Variants in FUBP3 observed in about 807,000 individuals in gnomAD.
FUBP3 encodes far upstream element-binding protein 3.
In FUBP3, 28 loss-of-function variants were observed where a neutral mutation model predicts 85.6. The observed-to-expected ratio is 0.33, with a 90% CI of 0.24 to 0.45. The LOEUF (loss-of-function observed/expected upper bound fraction) is 0.45. FUBP3 is among the 20% of genes least tolerant of loss of function. FUBP3 has a pLI of 1.00. For missense variants in FUBP3, 583 were observed against 755.1 expected (o/e 0.77, Z 2.67); for synonymous variants, 271 against 271.4 (o/e 1.00, Z 0.01).
rs572820516 is a variant in FUBP3, at chr9:130,593,459, A to G, written c.85-2024A>G. ...TGTGTTCAAGTATTCCTCCGCCTTCAGGAATCTTATTATCTTTTCAAAAAC... is the reference window on the plus strand; with the variant it reads ...TGTGTTCAAGTATTCCTCCGCCTTCGGGAATCTTATTATCTTTTCAAAAAC... On this transcript the variant is annotated intron_variant, in intron 1 of 18. Coordinates refer to ENST00000319725, the MANE Select transcript of FUBP3 (RefSeq NM_003934.2). 3.9e-5 allele frequency among the ~76,000 whole-genome samples: 6 copies of G among 152,344 alleles called. No homozygotes were observed. The East Asian group carries it at 1.2e-3, about 29-fold the overall frequency.
At chr9:130,583,802 G>T (rs908624218) in intron 1 of FUBP3, among the ~76,000 whole-genome samples, 1 of 152,146 alleles carries the variant, frequency 6.6e-6, no homozygotes. Flanking sequence ...ACTGGGTATT[G>T]GAAAGTAGAT....
intron 2 of FUBP3, among the ~76,000 whole-genome samples, chr9:130,607,026 A>C (rs1831494440): frequency 6.6e-6 from 1 of 152,134 alleles, no homozygotes; most frequent in Non-Finnish European, 1.5e-5. Flanking sequence ...GCTGGAGTGC[A>C]ATGACACGAT....
At chr9:130,627,605 G>C (rs1048717076) in intron 12 of FUBP3, among the ~76,000 whole-genome samples, 9 of 152,252 alleles carry the variant, frequency 5.9e-5, no homozygotes, top group African/African-American at 2.2e-4. Context: ...GAACCACTCA[G>C]AGTTGGTATG....
At chr9:130,626,298 G>A in intron 11 of FUBP3, 66 bp from the exon 12 acceptor site, 1 of 1,519,092 alleles carries the variant, frequency 6.6e-7, no homozygotes, top group African/African-American at 1.4e-5. Flanking sequence ...CCTCCTCCCT[G>A]GAAAAGAGAG....
chr9:130,611,666 T>G (rs909449396), intron 3 of FUBP3, among the ~76,000 whole-genome samples: 1 of 151,472 alleles, frequency 6.6e-6, no homozygotes, highest in African/African-American at 2.4e-5. Context: ...TTTTTTAAAC[T>G]ACTTGCATTT....
At chr9:130,631,331 T>G in intron 13 of FUBP3, 1 of 1,401,250 alleles carries the variant, frequency 7.1e-7, no homozygotes, top group East Asian at 2.6e-5. Context: ...AGGGCAGTTG[T>G]GGTGGTGCCA....
At chr9:130,630,508 A>G (rs978337555) in intron 12 of FUBP3, 120 bp from the exon 13 acceptor site, 4 of 685,150 alleles carry the variant, frequency 5.8e-6, no homozygotes, top group Non-Finnish European at 9.3e-6. Context: ...CTCTACTGTC[A>G]GGGCAAGTGC....
chr9:130,634,874 C>T lies in FUBP3; in HGVS notation c.1582+136C>T, dbSNP rs1830357743. The T allele has an allele frequency of 5.8e-6, 4 of 695,324 alleles. No homozygotes were observed. In the Admixed American group the frequency reaches 9.2e-5, roughly 16 times the overall value. The allele number at this position is 695,324 out of a possible 1,614,324, so 43.1% of individuals were successfully genotyped here. A position where few individuals can be genotyped will look rare whatever the true frequency, so the allele number is the denominator to read the frequency against. On this transcript the variant is annotated intron_variant, in intron 17 of 18. Transcript: ENST00000319725. ...GCTTGATCTCATTATTTGCCTTCGT[C>T]CTCCACCCTGTACCTGCCTGCTTCT...
chr9:130,630,704 C>T lies in FUBP3; in HGVS notation c.1194C>T (p.Ser398=), dbSNP rs763350492. The T allele has an allele frequency of 4.8e-5, 77 of 1,592,824 alleles. No individual in the cohort carries two copies. Among genetic ancestry groups the T allele is most frequent in the Non-Finnish European group, 5.5e-5 (64 of 1,170,762 alleles). The part of the protein sequence containing the change: ...VELQRNPPPN[S]DPNLRRFTIR... ...TTCAGAGGAACCCCCCTCCCAACAG[C>T]GACCCCAACCTGCGGAGATTCACCA... Residue 398 remains serine, a synonymous_variant, in exon 13 of 19, where the codon AGC becomes AGT. Transcript: ENST00000319725.
intron 13 of FUBP3, 195 bp from the exon 14 acceptor site, chr9:130,631,362 T>C: frequency 1.4e-6 from 2 of 1,412,424 alleles, no homozygotes; most frequent in Non-Finnish European, 1.8e-6. Context: ...TGTGGTGGTA[T>C]TGGTCGCTGG....
intron 12 of FUBP3, among the ~76,000 whole-genome samples, chr9:130,628,374 G>A (rs1426677031): frequency 6.6e-6 from 1 of 152,346 alleles, no homozygotes; most frequent in Non-Finnish European, 1.5e-5. Flanking sequence ...ACGATTTCAC[G>A]TCCAGCCAGG....
At position 130,637,136 on chromosome 9, in the gene FUBP3, G is replaced by A. The variant is rs1239396086; in HGVS notation, c.*114G>A. 1 of 845,854 alleles carries A rather than the reference G, an allele frequency of 1.2e-6. No individual in the cohort carries two copies. Among genetic ancestry groups the A allele is most frequent in the African/African-American group, 1.7e-5 (1 of 59,878 alleles). 52.4% of individuals were successfully genotyped at this position (845,854 alleles called of 1,614,324 possible). A position where few individuals can be genotyped will look rare whatever the true frequency, so the allele number is the denominator to read the frequency against. On this transcript the variant is annotated 3_prime_UTR_variant, in exon 19 of 19. Transcript: ENST00000319725. ...TGATGAAGAACTGTTGTTTTGTTCT[G>A]TGAAACACTATATTTAGATTAACGG... is the stretch of plus-strand genomic sequence containing the variant.
intron 5 of FUBP3, among the ~76,000 whole-genome samples, chr9:130,613,745 T>C (rs1831866203): frequency 6.6e-6 from 1 of 152,174 alleles, no homozygotes; most frequent in African/African-American, 2.4e-5. Flanking sequence ...AAGAAGCAAA[T>C]TTTTTCAGGA....
chr9:130,609,970 G>T lies in FUBP3; in HGVS notation c.207G>T (p.Gly69=). The T allele has an allele frequency of 6.2e-7, 1 of 1,609,858 alleles. No homozygotes were observed. The highest frequency in any genetic ancestry group is 8.5e-7 in the Non-Finnish European group (1 of 1,176,832). The change falls in exon 3 of 19, where the codon GGG becomes GGT. Residue 69 remains glycine (G), a synonymous_variant. Transcript: ENST00000319725. ...PLDDGVGNQL[G]ALVHQRTVIT... ...TTGCCACAGTAGGTAACCAGTTAGGGGCCTTGGTACATCAAAGGTAAGCAG... is the reference window on the plus strand; with the variant it reads ...TTGCCACAGTAGGTAACCAGTTAGGTGCCTTGGTACATCAAAGGTAAGCAG...
At chr9:130,590,060 C>T (rs1183416326) in intron 1 of FUBP3, among the ~76,000 whole-genome samples, 1 of 96,346 alleles carries the variant, frequency 1.0e-5, no homozygotes, top group Non-Finnish European at 1.9e-5. Context: ...TTGCCTGTGA[C>T]ATACCCCCAA....
chr9:130,627,764 C>T (rs1037254279), intron 12 of FUBP3, among the ~76,000 whole-genome samples: 1 of 152,194 alleles, frequency 6.6e-6, no homozygotes, highest in Non-Finnish European at 1.5e-5. Flanking sequence ...TGTAGGTTGA[C>T]GATTAGCTAG....
intron 1 of FUBP3, among the ~76,000 whole-genome samples, chr9:130,589,692 TATATATATATATA>T (rs1184731995): frequency 5.7e-4 from 18 of 31,416 alleles, no homozygotes; most frequent in African/African-American, 2.3e-3. Context: ...TATATATATA[TATATATATATATA>T]TTTTTTTTTT....
Position 130,637,352 on chromosome 9 carries a change from C to A in FUBP3, c.*330C>A. 3.5e-6 allele frequency: 1 copy of A among 284,734 alleles called. No individual in the cohort carries two copies. The highest frequency in any genetic ancestry group is 6.7e-6 in the Non-Finnish European group (1 of 149,536). 17.6% of individuals were successfully genotyped at this position (284,734 alleles called of 1,614,324 possible). ...GTTTTGGTTTGGTTTGGTTTTGTGT[C>A]CTTTTTATTTGCAGTTTTTTCTGTT... On this transcript the variant is annotated 3_prime_UTR_variant, in exon 19 of 19. Coordinates refer to ENST00000319725, the MANE Select transcript of FUBP3 (RefSeq NM_003934.2).
chr9:130,589,171 C>T (rs1419169134), intron 1 of FUBP3, among the ~76,000 whole-genome samples: 5 of 151,950 alleles, frequency 3.3e-5, no homozygotes, highest in Non-Finnish European at 7.4e-5. Context: ...TATAAGGTGA[C>T]CTACTTTGGT....
Sources: gnomAD v4.1 joint callset for allele counts (sites outside exome capture counted in the v4.1 genomes callset) on GRCh38, gnomAD v4.1.1 for gene constraint, MANE v1.5 for transcripts, NCBI Gene and HGNC (gene_info 2026-07-23, HGNC 2026-07-21) for gene names.